PPRC1: variants seen among roughly 807,000 people sequenced by gnomAD.
The protein encoded by PPRC1 is PPARG related coactivator 1.
PPRC1 carries 23 observed loss-of-function variants against 132.5 expected under a neutral mutation model. That is an observed-to-expected ratio of 0.17 (90% CI 0.12 to 0.25). The LOEUF is 0.25. Among genes scored for constraint, PPRC1 ranks in the 10% least tolerant of loss-of-function variants. The pLI is 1.00. For synonymous variants in PPRC1, 872 were observed against 833.5 expected, an observed-to-expected ratio of 1.05 and a Z score of -0.80; for missense variants, 2,006 against 2,089.1, an observed-to-expected ratio of 0.96 and a Z score of 0.78.
At position 102,140,063 on chromosome 10, in the gene PPRC1, G is replaced by T; in HGVS notation, c.1555G>T (p.Gly519Trp). 2 of 1,614,228 alleles carry T rather than the reference G, an allele frequency of 1.2e-6. No homozygotes were observed. Among genetic ancestry groups the T allele is most frequent in the Non-Finnish European group, 1.7e-6 (2 of 1,180,044 alleles). ...AGAGTCTGGGCCTCTCCAGGGTAAG[G>T]GGAAGCCCCGGGCTTGGGCTCGGGC... is the stretch of plus-strand genomic sequence containing the variant. Reference protein sequence around the residue: ...QKESGPLQGKGKPRAWARAWA... With the variant: ...QKESGPLQGKWKPRAWARAWA... Residue 519 changes from glycine to tryptophan, a missense_variant, in exon 5 of 14, where the codon GGG becomes TGG. Physicochemically the swap from Gly to Trp is radical, Grantham distance 184. This residue lies in a region of PPRC1 where 1,914 missense variants were observed against 1,917.2 expected (regional missense o/e 1.00). Transcript: ENST00000278070.
chr10:102,124,911 G>A, the PPRC1 span, among the ~76,000 whole-genome samples: 1 of 152,008 alleles, frequency 6.6e-6, no homozygotes, highest in Admixed American at 6.6e-5. Flanking sequence ...CTTCCAATGT[G>A]CTGGGATTAC....
chr10:102,140,185 A>G lies in PPRC1; in HGVS notation c.1677A>G (p.Pro559=). The change falls in exon 5 of 14, where the codon CCA becomes CCG. Residue 559 remains proline (P), a synonymous_variant. Transcript: ENST00000278070. The part of the protein sequence containing the change: ...PAKEGPLDLY[P]KLADTIQTNP... Reference sequence around the variant, plus strand: ...AAGAAGGCCCTCTAGACCTCTACCCAAAGCTGGCTGACACTATCCAAACCA... The same window carrying G: ...AAGAAGGCCCTCTAGACCTCTACCCGAAGCTGGCTGACACTATCCAAACCA... The G allele has an allele frequency of 3.1e-6, 5 of 1,614,184 alleles. No individual in the cohort carries two copies. The highest frequency in any genetic ancestry group is 4.2e-6 in the Non-Finnish European group (5 of 1,180,028).
intron 1 of PPRC1, among the ~76,000 whole-genome samples, chr10:102,136,869 G>A (rs2068742512): frequency 6.6e-6 from 1 of 152,190 alleles, no homozygotes; most frequent in African/African-American, 2.4e-5. Flanking sequence ...CGGGCTGCTT[G>A]ATGCCTGACA....
At position 102,140,868 on chromosome 10, in the gene PPRC1, C is replaced by T; in HGVS notation, c.2360C>T (p.Thr787Ile). The T allele has an allele frequency of 1.2e-6, 2 of 1,614,142 alleles. No homozygotes were observed. The highest frequency in any genetic ancestry group is 8.5e-7 in the Non-Finnish European group (1 of 1,180,030). ...TGGCCTAGCCTTCCAGAGACTCCCA[C>T]AGGGCTGGCAGACATCCCTTGTCTT... Reference protein sequence around the residue: ...GKWPSLPETPTGLADIPCLVI... With the variant: ...GKWPSLPETPIGLADIPCLVI... The change falls in exon 5 of 14, where the codon ACA (threonine) becomes ATA (isoleucine). Residue 787 changes from threonine to isoleucine, a missense_variant. Around this residue, in one of 2 missense-constraint regions of PPRC1, gnomAD observed 1,914 missense variants for 1,917.2 expected, o/e 1.00. Coordinates refer to ENST00000278070, the MANE Select transcript of PPRC1 (RefSeq NM_015062.5).
At chr10:102,124,083 T>A in the PPRC1 span, among the ~76,000 whole-genome samples, 1 of 150,594 alleles carries the variant, frequency 6.6e-6, no homozygotes, top group African/African-American at 2.4e-5. Context: ...TTTTTTTTTT[T>A]AGACAGAGTC....
intron 7 of PPRC1, 28 bp downstream of exon 7, chr10:102,144,335 C>T (rs1443854369): frequency 1.2e-6 from 2 of 1,607,658 alleles, no homozygotes; most frequent in African/African-American, 2.7e-5. Flanking sequence ...AGCGAGTTAC[C>T]CTACAGCTGT....
chr10:102,139,555 G>A lies in PPRC1; in HGVS notation c.1047G>A (p.Val349=). The A allele has an allele frequency of 2.5e-6, 4 of 1,613,880 alleles. No homozygotes were observed. The South Asian group carries it at 4.4e-5, about 18-fold the overall frequency. ...LPEGCVVLEI[V]GQAATAGDDL... ...AGGGCTGCGTAGTGCTGGAGATTGT[G>A]GGGCAGGCAGCCACAGCTGGCGATG... The change falls in exon 5 of 14, where the codon GTG becomes GTA. Residue 349 remains valine (V), a synonymous_variant. Coordinates refer to ENST00000278070, the MANE Select transcript of PPRC1 (RefSeq NM_015062.5).
intron 8 of PPRC1, among the ~76,000 whole-genome samples, chr10:102,145,432 G>A (rs1039058001): frequency 6.6e-6 from 1 of 151,906 alleles, no homozygotes; most frequent in African/African-American, 2.4e-5. Flanking sequence ...TTAGTTGGGC[G>A]TGGTGGTACA....
rs1226058775 is a variant in PPRC1 at position 102,139,702 on chromosome 10, A to G, written c.1194A>G (p.Thr398=). Residue 398 remains threonine (T), a synonymous_variant, in exon 5 of 14, where the codon ACA becomes ACG. Coordinates refer to ENST00000278070, the MANE Select transcript of PPRC1 (RefSeq NM_015062.5). The part of the protein sequence containing the change: ...QLLMPTLESE[T]EAAVPKVTLC... ...TTATGCCTACACTGGAGTCAGAGAC[A>G]GAGGCTGCTGTGCCCAAGGTAACCC... The G allele has an allele frequency of 1.9e-6, 3 of 1,614,124 alleles. No individual in the cohort carries two copies. Among genetic ancestry groups the G allele is most frequent in the South Asian group, 1.1e-5 (1 of 91,092 alleles).
At position 102,140,355 on chromosome 10, in the gene PPRC1, C is replaced by T; in HGVS notation, c.1847C>T (p.Ser616Leu). ...GACCCTGGGTTGGTTGACCTTGCTTCAACCAGCTCAGAACTGGTTGAGCCT... is the reference window on the plus strand; with the variant it reads ...GACCCTGGGTTGGTTGACCTTGCTTTAACCAGCTCAGAACTGGTTGAGCCT... ...PVDPGLVDLA[S>L]TSSELVEPLP... The change falls in exon 5 of 14, where the codon TCA becomes TTA. Residue 616 changes from serine (S) to leucine (L), a missense_variant. Around this residue, in one of 2 missense-constraint regions of PPRC1, gnomAD observed 1,914 missense variants for 1,917.2 expected, o/e 1.00. Transcript: ENST00000278070. The T allele has an allele frequency of 6.2e-7, 1 of 1,614,178 alleles. No homozygotes were observed. Among genetic ancestry groups the T allele is most frequent in the Non-Finnish European group, 8.5e-7 (1 of 1,180,028 alleles).
Position 102,141,318 on chromosome 10 carries a change from T to G in PPRC1, c.2810T>G (p.Leu937Arg), listed in dbSNP as rs145091275. ...GTGTCCCCTTCTGGCTATCCTTGCC[T>G]GCCCCCCCCACCAACGGTGCCCCTA... ...PHVSPSGYPC[L>R]PPPPTVPLVS... is the part of the protein sequence containing the mutation. Residue 937 changes from leucine (L) to arginine (R), a missense_variant, in exon 5 of 14, where the codon CTG becomes CGG. By Grantham distance (102) the Leu-to-Arg change is moderately radical (BLOSUM62 -2). Around this residue, in one of 2 missense-constraint regions of PPRC1, gnomAD observed 1,914 missense variants for 1,917.2 expected, o/e 1.00. Coordinates refer to ENST00000278070, the MANE Select transcript of PPRC1 (RefSeq NM_015062.5). The G allele has an allele frequency of 1.0e-4, 167 of 1,614,024 alleles. 3 individuals are homozygous for G. In the Middle Eastern group the frequency reaches 2.1e-3, roughly 21 times the overall value.
At position 102,141,891 on chromosome 10, in the gene PPRC1, C is replaced by T; in HGVS notation, c.3383C>T (p.Thr1128Ile). 1.2e-6 allele frequency: 2 copies of T among 1,614,140 alleles called. No homozygotes were observed. Among genetic ancestry groups the T allele is most frequent in the South Asian group, 1.1e-5 (1 of 91,084 alleles). ...GCTGTTCCCACACCAAGGCAGAGCA[C>T]TGTCCCCAAGCTGCCTGCTGTCCAC... ...TKAVPTPRQS[T>I]VPKLPAVHPA... is the part of the protein sequence containing the mutation. Residue 1128 changes from threonine to isoleucine, a missense_variant, in exon 5 of 14, where the codon ACT becomes ATT. Transcript: ENST00000278070.
At position 102,142,037 on chromosome 10, in the gene PPRC1, C is replaced by T. The variant is rs926537800; in HGVS notation, c.3496+33C>T. 5 of 1,563,964 alleles carry T rather than the reference C, an allele frequency of 3.2e-6. No homozygotes were observed. In the South Asian group the frequency reaches 3.6e-5, roughly 11 times the overall value. On this transcript the variant is annotated intron_variant, in intron 5 of 13. Transcript: ENST00000278070. ...ACACACAGTTCCCCCATGTAGTCCCCAAGTTGGCTGGGGGACTCTAGAATA... is the reference window on the plus strand; with the variant it reads ...ACACACAGTTCCCCCATGTAGTCCCTAAGTTGGCTGGGGGACTCTAGAATA...
rs767784277 is a variant in PPRC1 at position 102,140,371 on chromosome 10, G to T, written c.1863G>T (p.Leu621=). 89 of 1,614,048 alleles carry T rather than the reference G, an allele frequency of 5.5e-5. No individual in the cohort carries two copies. The highest frequency in any genetic ancestry group is 7.4e-5 in the Non-Finnish European group (87 of 1,180,040). ...LVDLASTSSE[L]VEPLPAEPVL... is the part of the protein sequence containing the mutation. Reference sequence around the variant, plus strand: ...ACCTTGCTTCAACCAGCTCAGAACTGGTTGAGCCTCTCCCGGCTGAGCCAG... The same window carrying T: ...ACCTTGCTTCAACCAGCTCAGAACTTGTTGAGCCTCTCCCGGCTGAGCCAG... Residue 621 remains leucine, a synonymous_variant, in exon 5 of 14, where the codon CTG becomes CTT. Coordinates refer to ENST00000278070, the MANE Select transcript of PPRC1 (RefSeq NM_015062.5).
chr10:102,138,089 G>A (rs1186449699), intron 2 of PPRC1, 51 bp downstream of exon 2: 2 of 1,565,586 alleles, frequency 1.3e-6, no homozygotes, highest in African/African-American at 1.4e-5. Context: ...TTACATGGGA[G>A]GTTCTAGCTC....
Position 102,148,767 on chromosome 10 carries a change from C to T in PPRC1, c.4618-50C>T. ...CTTGAGCTCAGAGAGCTGCCTGCAG[C>T]TGTAGCCCTGGCTAATGGTGTGTTG... On this transcript the variant is annotated intron_variant, in intron 11 of 13. Coordinates refer to ENST00000278070, the MANE Select transcript of PPRC1 (RefSeq NM_015062.5). The surrounding 1 kb of genome is among the most constrained non-coding windows in gnomAD (Gnocchi z 4.2). 6.2e-7 allele frequency: 1 copy of T among 1,614,186 alleles called. No individual in the cohort carries two copies. The highest frequency in any genetic ancestry group is 1.1e-5 in the South Asian group (1 of 91,082).
intron 8 of PPRC1, 62 bp from the exon 9 acceptor site, chr10:102,146,610 G>A (rs980491153): frequency 1.6e-5 from 24 of 1,528,904 alleles, no homozygotes; most frequent in African/African-American, 4.1e-5. Flanking sequence ...CTATATACAC[G>A]GTATTTGGAA....
chr10:102,148,384 T>C lies in PPRC1; in HGVS notation c.4413T>C (p.Ser1471=), dbSNP rs1371359745. Residue 1471 remains serine (S), a synonymous_variant, in exon 10 of 14, where the codon AGT becomes AGC. Coordinates refer to ENST00000278070, the MANE Select transcript of PPRC1 (RefSeq NM_015062.5). This position sits in a 1 kb window ranked among gnomAD's most constrained non-coding sequence, Gnocchi z 4.2. ...TCTTATCCTTCAGGTCCAGCTGTAGTTCCTCTGGACGTTCTCGAAGATGCT... is the reference window on the plus strand; with the variant it reads ...TCTTATCCTTCAGGTCCAGCTGTAGCTCCTCTGGACGTTCTCGAAGATGCT... The part of the protein sequence containing the change: ...PHKRWRRSSC[S]SSGRSRRCSS... The C allele has an allele frequency of 6.2e-7, 1 of 1,613,306 alleles. No individual in the cohort carries two copies. Among genetic ancestry groups the C allele is most frequent in the Admixed American group, 1.7e-5 (1 of 60,010 alleles).
In PPRC1 at chr10:102,146,818, G is replaced by A. The variant is rs1164872873; in HGVS notation, c.3826G>A (p.Ala1276Thr). The A allele has an allele frequency of 6.2e-7, 1 of 1,613,984 alleles. No individual in the cohort carries two copies. Among genetic ancestry groups the A allele is most frequent in the East Asian group, 2.2e-5 (1 of 44,878 alleles). The change falls in exon 9 of 14, where the codon GCA (alanine) becomes ACA (threonine). Residue 1276 changes from alanine to threonine, a missense_variant. Ala to Thr is a moderately conservative substitution (Grantham distance 58). Around this residue, in one of 2 missense-constraint regions of PPRC1, gnomAD observed 1,914 missense variants for 1,917.2 expected, o/e 1.00. Coordinates refer to ENST00000278070, the MANE Select transcript of PPRC1 (RefSeq NM_015062.5). ...EGVTEAKHPA[A>T]VRLQEGVHGP... ...AGTTACGGAGGCCAAACATCCAGCT[G>A]CAGTTCGCCTCCAAGAAGGGGTCCA...
Sources: allele counts gnomAD v4.1 joint callset (sites outside exome capture counted in the v4.1 genomes callset), GRCh38; gene constraint gnomAD v4.1.1; regional missense constraint gnomAD v4.1.1; non-coding constraint Gnocchi (gnomAD v3.1); transcripts MANE v1.5; gene names NCBI Gene and HGNC (gene_info 2026-07-23, HGNC 2026-07-21).